PTPRM: variants seen among roughly 807,000 people sequenced by gnomAD.
PTPRM encodes the protein protein tyrosine phosphatase receptor type M.
A neutral mutation model predicts 186.7 loss-of-function variants in PTPRM; 47 were observed. The ratio of observed to expected loss-of-function variants is 0.25; its 90% CI spans 0.20 to 0.32. The LOEUF (loss-of-function observed/expected upper bound fraction) is 0.32, where lower values mean the gene tolerates loss of function less well. Among genes scored for constraint, PTPRM ranks in the 10% least tolerant of loss-of-function variants. PTPRM has a pLI of 1.00. For synonymous variants in PTPRM, 668 were observed against 674.9 expected, an observed-to-expected ratio of 0.99 and a Z score of 0.16; for missense variants, 1,494 against 1,865.0, an observed-to-expected ratio of 0.80 and a Z score of 3.66.
chr18:7,617,645 A>T (rs1277430006), intron 1 of PTPRM, among the ~76,000 whole-genome samples: 1 of 152,236 alleles, frequency 6.6e-6, no homozygotes, highest in Admixed American at 6.5e-5. Flanking sequence ...TTAATTTTAA[A>T]GAGGGTTTGC....
chr18:8,143,684 A>G lies in PTPRM; in HGVS notation c.2205A>G (p.Lys735=), dbSNP rs1379037113. 1.2e-6 allele frequency: 2 copies of G among 1,608,552 alleles called. No individual in the cohort carries two copies. The highest frequency in any genetic ancestry group is 1.7e-6 in the Non-Finnish European group (2 of 1,174,950). ...CGAAACCAGTCCCAGAACCCGAGAAACAGACAGACCATACAGTTAAAATTG... is the reference window on the plus strand; with the variant it reads ...CGAAACCAGTCCCAGAACCCGAGAAGCAGACAGACCATACAGTTAAAATTG... ...ATPKPVPEPE[K]QTDHTVKIAG... The change falls in exon 14 of 33, where the codon AAA becomes AAG. Residue 735 remains lysine (K), a synonymous_variant. Transcript: ENST00000580170.
chr18:7,656,615 T>C (rs903001051), intron 1 of PTPRM, among the ~76,000 whole-genome samples: 2 of 152,076 alleles, frequency 1.3e-5, no homozygotes, highest in African/African-American at 4.8e-5. Flanking sequence ...AGTTCAGTGG[T>C]TGGGGATGGT....
At chr18:7,594,941 G>C (rs573743476) in intron 1 of PTPRM, among the ~76,000 whole-genome samples, 9 of 152,196 alleles carry the variant, frequency 5.9e-5, no homozygotes, top group African/African-American at 1.9e-4. Context: ...CCCACTTCTC[G>C]GGACTGAGTT....
At chr18:8,385,023 G>T (rs2095762915) in intron 30 of PTPRM, among the ~76,000 whole-genome samples, 1 of 152,158 alleles carries the variant, frequency 6.6e-6, no homozygotes, top group African/African-American at 2.4e-5. Context: ...TAGCCAGCAG[G>T]CAGGGTGGGG....
At chr18:8,383,127 CT>C (rs2095748195) in intron 29 of PTPRM, among the ~76,000 whole-genome samples, 1 of 151,296 alleles carries the variant, frequency 6.6e-6, no homozygotes, top group African/African-American at 2.4e-5. Flanking sequence ...GTGAAACCCC[CT>C]CTCCACTAAA....
chr18:8,347,169 G>T (rs1407484771), intron 23 of PTPRM, among the ~76,000 whole-genome samples: 1 of 152,164 alleles, frequency 6.6e-6, no homozygotes, highest in African/African-American at 2.4e-5. Flanking sequence ...TTGTGCACCC[G>T]TGCACACGTT....
At chr18:8,331,945 C>T (rs1333277189) in intron 22 of PTPRM, among the ~76,000 whole-genome samples, 1 of 152,222 alleles carries the variant, frequency 6.6e-6, no homozygotes, top group Non-Finnish European at 1.5e-5. Context: ...CTGGTGCACA[C>T]TTAAAGTCAG....
chr18:8,207,318 A>G (rs1260657894), intron 14 of PTPRM, among the ~76,000 whole-genome samples: 1 of 152,228 alleles, frequency 6.6e-6, no homozygotes, highest in Non-Finnish European at 1.5e-5. Context: ...CCACTACTCA[A>G]ACATGAGTCT....
intron 14 of PTPRM, among the ~76,000 whole-genome samples, chr18:8,205,728 A>G (rs545656316): frequency 7.2e-5 from 11 of 152,308 alleles, no homozygotes; most frequent in African/African-American, 2.6e-4. Flanking sequence ...TCATCTCAGG[A>G]CATAGTGTCA....
Position 8,153,812 on chromosome 18 carries a change from A to G in PTPRM, c.2300+10033A>G, listed in dbSNP as rs200466929. Among the ~76,000 whole-genome samples, 11 of 152,334 alleles carry G rather than the reference A, an allele frequency of 7.2e-5. No individual in the cohort carries two copies. In the East Asian group the frequency reaches 2.1e-3, roughly 29 times the overall value. The stretch of plus-strand genomic sequence containing the variant: ...GTAATCACCACATTGTTTGGTTAGA[A>G]GAACACTGAACTTAGATGTGGAATT... On this transcript the variant is annotated intron_variant, in intron 14 of 32. Coordinates refer to ENST00000580170, the MANE Select transcript of PTPRM (RefSeq NM_001105244.2).
At position 8,379,214 on chromosome 18, in the gene PTPRM, C is replaced by T. The variant is rs769282849; in HGVS notation, c.3660C>T (p.Ile1220=). 8.1e-6 allele frequency: 13 copies of T among 1,613,832 alleles called. No individual in the cohort carries two copies. The highest frequency in any genetic ancestry group is 1.6e-4 in the Middle Eastern group (1 of 6,062). Reference sequence around the variant, plus strand: ...CGCTGCGAGTAGAGGACTGCAGCATCGCACTGTTGCCCCGGAACCATGAGA... The same window carrying T: ...CGCTGCGAGTAGAGGACTGCAGCATTGCACTGTTGCCCCGGAACCATGAGA... ...TPTLRVEDCS[I]ALLPRNHEKN... is the part of the protein sequence containing the mutation. The change falls in exon 28 of 33, where the codon ATC becomes ATT. Residue 1220 remains isoleucine (I), a synonymous_variant. Transcript: ENST00000580170.
chr18:8,115,820 C>G (rs1480758302), intron 13 of PTPRM, among the ~76,000 whole-genome samples: 2 of 152,166 alleles, frequency 1.3e-5, no homozygotes, highest in Admixed American at 1.3e-4. Flanking sequence ...TCAAAATTCT[C>G]ACTGAATTCT....
intron 1 of PTPRM, among the ~76,000 whole-genome samples, chr18:7,685,818 T>C (rs1022266156): frequency 2.0e-5 from 3 of 152,158 alleles, no homozygotes; most frequent in Non-Finnish European, 4.4e-5. Context: ...GAGCACCTGA[T>C]GGTTAAAATG....
intron 14 of PTPRM, among the ~76,000 whole-genome samples, chr18:8,168,671 A>G (rs572651536): frequency 6.6e-6 from 1 of 152,374 alleles, no homozygotes; most frequent in Non-Finnish European, 1.5e-5. Flanking sequence ...AAGAGATCCA[A>G]CTAAAACAAT....
intron 9 of PTPRM, 82 bp from the exon 10 acceptor site, chr18:8,085,589 A>T: frequency 1.7e-6 from 2 of 1,197,892 alleles, no homozygotes; most frequent in African/African-American, 1.5e-5. Context: ...GACAGTGCAT[A>T]CATCAGAAGG....
intron 2 of PTPRM, chr18:7,815,738 C>A (rs2044782972): frequency 6.6e-6 from 1 of 151,916 alleles, no homozygotes; most frequent in Non-Finnish European, 1.5e-5. Flanking sequence ...AAATAGAGGC[C>A]TAGTATTTGA....
chr18:7,837,082 G>C (rs2046087712), intron 2 of PTPRM, among the ~76,000 whole-genome samples: 1 of 152,062 alleles, frequency 6.6e-6, no homozygotes. Flanking sequence ...TTCTACCCCG[G>C]TCTCTTTCTC....
chr18:8,188,088 A>G (rs2093665699), intron 14 of PTPRM, among the ~76,000 whole-genome samples: 1 of 152,226 alleles, frequency 6.6e-6, no homozygotes, highest in Admixed American at 6.5e-5. Context: ...AATCTCACAA[A>G]TGAGGTAAAC....
chr18:7,640,449 G>A (rs2038418203), intron 1 of PTPRM, among the ~76,000 whole-genome samples: 1 of 152,108 alleles, frequency 6.6e-6, no homozygotes, highest in African/African-American at 2.4e-5. Flanking sequence ...GGATGCTTTT[G>A]GTTGCAAGTG....
Sources: allele counts gnomAD v4.1 joint callset (sites outside exome capture counted in the v4.1 genomes callset), GRCh38; gene constraint gnomAD v4.1.1; transcripts MANE v1.5; gene names NCBI Gene and HGNC (gene_info 2026-07-23, HGNC 2026-07-21).